Variants in ZNF430 observed in about 807,000 individuals in gnomAD.
The protein encoded by ZNF430 is zinc finger protein 430.
ZNF430 carries 35 observed loss-of-function variants against 56.7 expected under a neutral mutation model. The ratio of observed to expected loss-of-function variants is 0.62; its 90% CI spans 0.47 to 0.82. The LOEUF (loss-of-function observed/expected upper bound fraction) is 0.82, where lower values mean the gene tolerates loss of function less well. Ranked by LOEUF, ZNF430 falls within the 40% of genes least tolerant of loss-of-function variation. The pLI is 0.00. For missense variants in ZNF430, 574 were observed against 661.0 expected (o/e 0.87, Z 1.44); for synonymous variants, 212 against 224.3 (o/e 0.94, Z 0.49).
At chr19:21,037,048 T>C (rs548613750) in intron 4 of ZNF430, among the ~76,000 whole-genome samples, 3 of 152,278 alleles carry the variant, frequency 2.0e-5, no homozygotes, top group East Asian at 3.9e-4. Flanking sequence ...CATCATTTCG[T>C]TACTGGCTTA....
At chr19:21,025,893 G>T (rs1423254787) in intron 2 of ZNF430, 3 of 376,144 alleles carry the variant, frequency 8.0e-6, no homozygotes, top group East Asian at 7.7e-5. Context: ...AATTCATCTT[G>T]TCTTTCTGCA....
chr19:21,042,334 G>T (rs1167431674), intron 4 of ZNF430, among the ~76,000 whole-genome samples: 1 of 152,090 alleles, frequency 6.6e-6, no homozygotes, highest in Non-Finnish European at 1.5e-5. Context: ...CCAGTAATGG[G>T]GTTGCTGGGT....
intron 2 of ZNF430, among the ~76,000 whole-genome samples, chr19:21,025,171 C>A (rs1056915850): frequency 7.9e-5 from 12 of 152,182 alleles, no homozygotes; most frequent in Admixed American, 4.6e-4. Flanking sequence ...ATAGGCAGAG[C>A]AGCCCTGAGG....
At chr19:21,028,767 C>A (rs1967848777) in intron 2 of ZNF430, among the ~76,000 whole-genome samples, 1 of 152,168 alleles carries the variant, frequency 6.6e-6, no homozygotes, top group East Asian at 1.9e-4. Flanking sequence ...CTCACTGCAA[C>A]CTCCGCCTCC....
At chr19:21,032,414 C>T (rs998581563) in intron 2 of ZNF430, among the ~76,000 whole-genome samples, 2 of 152,170 alleles carry the variant, frequency 1.3e-5, no homozygotes, top group African/African-American at 4.8e-5. Flanking sequence ...CCGTGTTCTT[C>T]TATGTGCATC....
At chr19:21,040,586 T>C (rs1255357628) in intron 4 of ZNF430, among the ~76,000 whole-genome samples, 1 of 152,248 alleles carries the variant, frequency 6.6e-6, no homozygotes, top group African/African-American at 2.4e-5. Context: ...TTATACAGTC[T>C]GCCAAACTGT....
chr19:21,037,364 A>T (rs1968021195), intron 4 of ZNF430, among the ~76,000 whole-genome samples: 1 of 152,048 alleles, frequency 6.6e-6, no homozygotes, highest in Admixed American at 6.6e-5. Flanking sequence ...GTGATCTGCC[A>T]TCCTCGGCCT....
chr19:21,023,128 A>C (rs960380101), intron 2 of ZNF430, among the ~76,000 whole-genome samples: 1 of 152,122 alleles, frequency 6.6e-6, no homozygotes, highest in Non-Finnish European at 1.5e-5. Flanking sequence ...AAAAACACTG[A>C]CCCCAGTGAG....
intron 4 of ZNF430, among the ~76,000 whole-genome samples, chr19:21,054,669 CTTTTTTTTTTTTT>C (rs55772412): frequency 3.0e-5 from 2 of 65,582 alleles, no homozygotes; most frequent in African/African-American, 6.4e-5. Context: ...ATTTTTACGT[CTTTTTTTTTTTTT>C]TTTTTTTTTT....
rs1968441572 is a variant in ZNF430, at chr19:21,059,940, T to G, written c.*1919T>G. ...CATTAGGTAGGTGTTCAGAGTAATA[T>G]TTTGCGTTGTGAGAACATTTTTAAT... On this transcript the variant is annotated 3_prime_UTR_variant, in exon 5 of 5. Coordinates refer to ENST00000261560, the MANE Select transcript of ZNF430 (RefSeq NM_025189.4). 6.6e-6 allele frequency: 1 copy of G among 152,108 alleles called. No homozygotes were observed. The highest frequency in any genetic ancestry group is 1.5e-5 in the Non-Finnish European group (1 of 68,010). 9.4% of individuals were successfully genotyped at this position (152,108 alleles called of 1,614,324 possible).
chr19:21,029,172 A>G (rs766599009), intron 2 of ZNF430, among the ~76,000 whole-genome samples: 11 of 152,206 alleles, frequency 7.2e-5, no homozygotes, highest in Non-Finnish European at 1.3e-4. Context: ...CTTACTATCC[A>G]GGAACATGTC....
intron 4 of ZNF430, among the ~76,000 whole-genome samples, chr19:21,054,541 CTT>C (rs1968336625): frequency 6.6e-6 from 1 of 151,646 alleles, no homozygotes; most frequent in Admixed American, 6.6e-5. Flanking sequence ...AATGACATCA[CTT>C]TTATCTTGCA....
intron 4 of ZNF430, among the ~76,000 whole-genome samples, chr19:21,045,449 T>G (rs1170206899): frequency 1.3e-5 from 2 of 152,204 alleles, no homozygotes; most frequent in African/African-American, 4.8e-5. Context: ...CTGTTATGAT[T>G]TCAGTTCTTT....
intron 2 of ZNF430, among the ~76,000 whole-genome samples, chr19:21,023,855 CTG>C (rs1967744501): frequency 6.6e-6 from 1 of 152,064 alleles, no homozygotes; most frequent in Non-Finnish European, 1.5e-5. Flanking sequence ...ATATGACTAA[CTG>C]TTTACTAAAT....
At chr19:21,033,972 T>A (rs933126364) in intron 3 of ZNF430, 114 bp from the exon 4 acceptor site, 13 of 747,368 alleles carry the variant, frequency 1.7e-5, no homozygotes, top group Non-Finnish European at 2.7e-5. Context: ...TATAAATTAG[T>A]ATTTTTAGGA....
Position 21,034,080 on chromosome 19 carries a change from A to G in ZNF430, c.224-6A>G, listed in dbSNP as rs749805026. On this transcript the variant is annotated splice_region_variant and splice_polypyrimidine_tract_variant and intron_variant, in intron 3 of 4. Coordinates refer to ENST00000261560, the MANE Select transcript of ZNF430 (RefSeq NM_025189.4). ...GAAAGATTCATGTTATTTATTTTCA[A>G]TAAAGCAGGTATTGCTGTTTCTAAG... 3.7e-6 allele frequency: 6 copies of G among 1,608,200 alleles called. No individual in the cohort carries two copies. Among genetic ancestry groups the G allele is most frequent in the South Asian group, 3.3e-5 (3 of 90,924 alleles).
At position 21,020,711 on chromosome 19, in the gene ZNF430, G is replaced by C; in HGVS notation, c.-90G>C. ...TCGTCTTCAGCGCTCTGTGTCCTCT[G>C]CTCCTAGAGGTCCAGGCTCTGTGGC... On this transcript the variant is annotated 5_prime_UTR_variant, in exon 1 of 5. Coordinates refer to ENST00000261560, the MANE Select transcript of ZNF430 (RefSeq NM_025189.4). 1 of 1,566,168 alleles carries C rather than the reference G, an allele frequency of 6.4e-7. No individual in the cohort carries two copies. Among genetic ancestry groups the C allele is most frequent in the South Asian group, 1.1e-5 (1 of 90,000 alleles).
intron 2 of ZNF430, among the ~76,000 whole-genome samples, chr19:21,025,762 CT>C (rs35823197): frequency 0.6 from 77,724 of 128,696 alleles, 23,436 homozygotes; most frequent in East Asian, 0.72. Context: ...AATTTTTGTA[CT>C]TTTTTTTTTT....
intron 2 of ZNF430, among the ~76,000 whole-genome samples, chr19:21,023,618 A>G (rs1967740080): frequency 6.6e-6 from 1 of 152,248 alleles, no homozygotes; most frequent in South Asian, 2.1e-4. Context: ...CAAGGAAATG[A>G]GTAGGGAAAA....
Sources: allele counts gnomAD v4.1 joint callset (sites outside exome capture counted in the v4.1 genomes callset), GRCh38; gene constraint gnomAD v4.1.1; transcripts MANE v1.5; gene names NCBI Gene and HGNC (gene_info 2026-07-23, HGNC 2026-07-21).